The following PDZRN4 variants were observed in gnomAD, a reference collection of about 807,000 sequenced individuals.
PDZRN4 encodes PDZ domain-containing RING finger protein 4.
PDZRN4 carries 70 observed loss-of-function variants against 99.0 expected under a neutral mutation model. The observed-to-expected ratio is 0.71, with a 90% CI of 0.58 to 0.86. PDZRN4 has a LOEUF of 0.86. Ranked by LOEUF, PDZRN4 falls within the 40% of genes least tolerant of loss-of-function variation. The pLI, the probability that PDZRN4 is intolerant of heterozygous loss-of-function variation, is 0.00. For synonymous variants in PDZRN4, 551 were observed against 501.6 expected (o/e 1.10, Z -1.32); for missense variants, 1,474 against 1,331.2 (o/e 1.11, Z -1.67).
intron 2 of PDZRN4, among the ~76,000 whole-genome samples, chr12:41,192,627 A>T (rs1400165340): frequency 6.6e-6 from 1 of 152,198 alleles, no homozygotes; most frequent in East Asian, 1.9e-4. Context: ...GCAATTACTC[A>T]GTTTGAAGAT....
At chr12:41,338,522 T>C (rs929875211) in intron 3 of PDZRN4, among the ~76,000 whole-genome samples, 15 of 151,824 alleles carry the variant, frequency 9.9e-5, no homozygotes, top group African/African-American at 2.7e-4. Flanking sequence ...AACCAAACTA[T>C]TGGTTTTTCG....
intron 3 of PDZRN4, among the ~76,000 whole-genome samples, chr12:41,283,514 G>A (rs535766329): frequency 1.3e-5 from 2 of 152,108 alleles, no homozygotes; most frequent in East Asian, 1.9e-4. Context: ...CATTTGATGA[G>A]GCCAGCATCA....
chr12:41,273,976 T>C (rs2120867989), intron 3 of PDZRN4, among the ~76,000 whole-genome samples: 1 of 152,078 alleles, frequency 6.6e-6, no homozygotes, highest in East Asian at 1.9e-4. Context: ...CATAGAAATA[T>C]GGGGTTCATT....
In PDZRN4 at chr12:41,534,486, C is replaced by T. The variant is rs2120748713; in HGVS notation, c.1204-18170C>T. On this transcript the variant is annotated intron_variant, in intron 5 of 9. Coordinates refer to ENST00000402685, the MANE Select transcript of PDZRN4 (RefSeq NM_001164595.2). ...ACAGGCTCTAGTGTGTGTTGTTCCC[C>T]TCCCTGTGTCCATGTGTTTTCATTG... is the stretch of plus-strand genomic sequence containing the variant. Among the ~76,000 whole-genome samples, 3 of 152,170 alleles carry T rather than the reference C, an allele frequency of 2.0e-5. No homozygotes were observed. In the South Asian group the frequency reaches 6.2e-4, roughly 32 times the overall value.
chr12:41,424,712 G>A (rs1952520739), intron 3 of PDZRN4, among the ~76,000 whole-genome samples: 1 of 152,110 alleles, frequency 6.6e-6, no homozygotes, highest in Non-Finnish European at 1.5e-5. Flanking sequence ...CTTTATAAAG[G>A]GTTATGTGCA....
intron 3 of PDZRN4, among the ~76,000 whole-genome samples, chr12:41,298,576 G>A (rs1164434876): frequency 6.6e-6 from 1 of 152,064 alleles, no homozygotes; most frequent in Non-Finnish European, 1.5e-5. Flanking sequence ...TAAATTACCT[G>A]ATTTGGATTG....
At chr12:41,489,456 C>G (rs1331694011) in intron 3 of PDZRN4, among the ~76,000 whole-genome samples, 1 of 152,122 alleles carries the variant, frequency 6.6e-6, no homozygotes, top group Non-Finnish European at 1.5e-5. Context: ...ATAATTCCCA[C>G]AGCTGCTCCT....
intron 3 of PDZRN4, among the ~76,000 whole-genome samples, chr12:41,371,879 C>A (rs1315762107): frequency 2.6e-5 from 4 of 152,042 alleles, no homozygotes; most frequent in Non-Finnish European, 5.9e-5. Context: ...CCAGATTAAC[C>A]TAGCTAATTT....
At chr12:41,381,184 TTTCAGTGTA>T (rs1222837891) in intron 3 of PDZRN4, among the ~76,000 whole-genome samples, 2 of 152,210 alleles carry the variant, frequency 1.3e-5, no homozygotes, top group African/African-American at 4.8e-5. Flanking sequence ...TTACAATGTG[TTTCAGTGTA>T]AATAAACCTT....
intron 3 of PDZRN4, among the ~76,000 whole-genome samples, chr12:41,491,463 A>C (rs1181156966): frequency 6.6e-6 from 1 of 152,290 alleles, no homozygotes. Context: ...TGGAGGTTGC[A>C]GTGAGCCAAG....
rs1368107240 is a variant in PDZRN4 at position 41,573,318 on chromosome 12, G to T, written c.2539G>T (p.Ala847Ser). The T allele has an allele frequency of 6.2e-6, 10 of 1,613,044 alleles. No individual in the cohort carries two copies. Among genetic ancestry groups the T allele is most frequent in the Non-Finnish European group, 7.6e-6 (9 of 1,179,994 alleles). Reference sequence around the variant, plus strand: ...TAGATATGCAAACATCCCAGCACACGCCCGGCATTATCAAAGCTACATGCA... The same window carrying T: ...TAGATATGCAAACATCCCAGCACACTCCCGGCATTATCAAAGCTACATGCA... ...SYRYANIPAH[A>S]RHYQSYMQLI... Residue 847 changes from alanine to serine, a missense_variant, in exon 10 of 10, where the codon GCC (alanine) becomes TCC (serine). Ala to Ser is a moderately conservative substitution (Grantham distance 99). Transcript: ENST00000402685.
chr12:41,324,987 A>G (rs1313315538), intron 3 of PDZRN4, among the ~76,000 whole-genome samples: 1 of 152,150 alleles, frequency 6.6e-6, no homozygotes, highest in Non-Finnish European at 1.5e-5. Context: ...TTATATTGCT[A>G]TTAGATAGCA....
chr12:41,352,013 C>G (rs148462206), intron 3 of PDZRN4, among the ~76,000 whole-genome samples: 12 of 36,644 alleles, frequency 3.3e-4, no homozygotes, highest in African/African-American at 7.0e-4. Flanking sequence ...ATAAAAATTT[C>G]AAAGGAATAA....
At chr12:41,537,846 G>C (rs1176061600) in intron 5 of PDZRN4, among the ~76,000 whole-genome samples, 2 of 152,144 alleles carry the variant, frequency 1.3e-5, no homozygotes, top group African/African-American at 4.8e-5. Flanking sequence ...TCATTAACCA[G>C]CTTAGGAAGA....
At chr12:41,276,742 A>C (rs1951352175) in intron 3 of PDZRN4, among the ~76,000 whole-genome samples, 1 of 152,210 alleles carries the variant, frequency 6.6e-6, no homozygotes, top group South Asian at 2.1e-4. Context: ...ACTATTCTGC[A>C]GATTACAAGA....
At chr12:41,450,724 C>A (rs1406964389) in intron 3 of PDZRN4, among the ~76,000 whole-genome samples, 1 of 152,014 alleles carries the variant, frequency 6.6e-6, no homozygotes, top group Non-Finnish European at 1.5e-5. Context: ...AAGTTTGAAA[C>A]CAGCCTGGCC....
intron 3 of PDZRN4, among the ~76,000 whole-genome samples, chr12:41,342,533 G>C (rs1387069885): frequency 6.6e-6 from 1 of 150,496 alleles, no homozygotes; most frequent in Non-Finnish European, 1.5e-5. Flanking sequence ...TTTTTTAAAT[G>C]AGCAAATGAT....
chr12:41,266,310 C>CAAAAAAAAA (rs777855203), intron 3 of PDZRN4, among the ~76,000 whole-genome samples: 3 of 11,686 alleles, frequency 2.6e-4, no homozygotes, highest in African/African-American at 1.5e-3. Context: ...GACTCCGTCT[C>CAAAAAAAAA]AAAAAAAAAA....
chr12:41,208,740 A>G (rs1257772493), intron 3 of PDZRN4, among the ~76,000 whole-genome samples: 1 of 151,972 alleles, frequency 6.6e-6, no homozygotes, highest in Non-Finnish European at 1.5e-5. Context: ...CTCAATAGTA[A>G]GAAGCCTGTT....
Sources: allele counts gnomAD v4.1 joint callset (sites outside exome capture counted in the v4.1 genomes callset), GRCh38; gene constraint gnomAD v4.1.1; transcripts MANE v1.5; gene names NCBI Gene and HGNC (gene_info 2026-07-23, HGNC 2026-07-21).